Variants in UBE2J1 observed in about 807,000 individuals in gnomAD.
UBE2J1 encodes ubiquitin conjugating enzyme E2 J1.
In UBE2J1, 17 loss-of-function variants were observed where a neutral mutation model predicts 42.1. The ratio of observed to expected loss-of-function variants is 0.40; its 90% CI spans 0.28 to 0.61. The LOEUF (loss-of-function observed/expected upper bound fraction) is 0.61, where lower values mean the gene tolerates loss of function less well. Ranked by LOEUF, UBE2J1 falls within the 20% of genes least tolerant of loss-of-function variation. UBE2J1 has a pLI of 0.38. For missense variants in UBE2J1, 291 were observed against 389.4 expected (o/e 0.75, Z 2.13); for synonymous variants, 127 against 137.2 (o/e 0.93, Z 0.52).
intron 1 of UBE2J1, among the ~76,000 whole-genome samples, chr6:89,346,384 T>C (rs1768366064): frequency 6.6e-6 from 1 of 151,982 alleles, no homozygotes; most frequent in Non-Finnish European, 1.5e-5. Context: ...GTGCAGTCAA[T>C]ACAAAACAGA....
intron 5 of UBE2J1, among the ~76,000 whole-genome samples, chr6:89,336,166 T>G (rs1562414337): frequency 6.6e-6 from 1 of 152,238 alleles, no homozygotes; most frequent in Non-Finnish European, 1.5e-5. Context: ...TAAAAAATTG[T>G]TTTTCATAGT....
At chr6:89,340,626 T>C (rs1768226178) in intron 3 of UBE2J1, among the ~76,000 whole-genome samples, 2 of 152,220 alleles carry the variant, frequency 1.3e-5, no homozygotes, top group Admixed American at 6.5e-5. Context: ...TTAAAGACAT[T>C]GTGTAACCCA....
At chr6:89,349,792 G>A (rs1448707933) in intron 1 of UBE2J1, among the ~76,000 whole-genome samples, 1 of 152,140 alleles carries the variant, frequency 6.6e-6, no homozygotes, top group Non-Finnish European at 1.5e-5. Flanking sequence ...TAGACTTCTG[G>A]TGGAGGCAGT....
At chr6:89,350,932 T>C (rs1768462899) in intron 1 of UBE2J1, among the ~76,000 whole-genome samples, 1 of 152,094 alleles carries the variant, frequency 6.6e-6, no homozygotes. Flanking sequence ...CCACCATACA[T>C]TTTTACCCAA....
intron 1 of UBE2J1, among the ~76,000 whole-genome samples, chr6:89,343,976 A>G (rs1207114248): frequency 2.0e-5 from 3 of 152,030 alleles, no homozygotes; most frequent in African/African-American, 4.8e-5. Flanking sequence ...ATATATAGTG[A>G]AGACACTATT....
rs956573860 is a variant in UBE2J1, at chr6:89,352,484, C to T, written c.31+55G>A. Reference sequence around the variant, plus strand: ...GCGAGGGGACCGAGGCGGCGACCACCCCGGGGTCCAGGGTCACTCCGCCCT... The same window carrying T: ...GCGAGGGGACCGAGGCGGCGACCACTCCGGGGTCCAGGGTCACTCCGCCCT... On this transcript the variant is annotated intron_variant, in intron 1 of 7. Coordinates refer to ENST00000435041, the MANE Select transcript of UBE2J1 (RefSeq NM_016021.3). 4 of 1,524,862 alleles carry T rather than the reference C, an allele frequency of 2.6e-6. No individual in the cohort carries two copies. In the African/African-American group the frequency reaches 5.7e-5, roughly 22 times the overall value. The allele number at this position is 1,524,862 out of a possible 1,614,324, so 94.5% of individuals were successfully genotyped here. A position where few individuals can be genotyped will look rare whatever the true frequency, so the allele number is the denominator to read the frequency against.
In UBE2J1 at chr6:89,346,747, T is replaced by G. The variant is rs112798767; in HGVS notation, c.32-2991A>C. On this transcript the variant is annotated intron_variant, in intron 1 of 7. Coordinates refer to ENST00000435041, the MANE Select transcript of UBE2J1 (RefSeq NM_016021.3). The stretch of plus-strand genomic sequence containing the variant: ...ACTAGGAATGCTCTCTGAATTACTC[T>G]GGTTAGGTTTAGAAACCACTGCCCT... 7.8e-3 allele frequency among the ~76,000 whole-genome samples: 1,192 copies of G among 152,226 alleles called. 12 individuals carry two copies. Among genetic ancestry groups the G allele is most frequent in the African/African-American group, 0.028 (1,152 of 41,526 alleles).
At chr6:89,341,709 G>A (rs1768249080) in intron 3 of UBE2J1, among the ~76,000 whole-genome samples, 1 of 150,214 alleles carries the variant, frequency 6.7e-6, no homozygotes, top group South Asian at 2.1e-4. Context: ...GGGCAACAGA[G>A]AAAGACCGTG....
At chr6:89,348,288 T>C (rs1433524471) in intron 1 of UBE2J1, among the ~76,000 whole-genome samples, 1 of 152,236 alleles carries the variant, frequency 6.6e-6, no homozygotes, top group Non-Finnish European at 1.5e-5. Flanking sequence ...ATGGACACTC[T>C]GGAGCCATGC....
chr6:89,344,505 T>G (rs1321349528), intron 1 of UBE2J1, among the ~76,000 whole-genome samples: 1 of 152,182 alleles, frequency 6.6e-6, no homozygotes, highest in Non-Finnish European at 1.5e-5. Flanking sequence ...GAGTCCCTCT[T>G]GTACACTCCC....
At chr6:89,331,233 T>C (rs1037548190) in intron 7 of UBE2J1, among the ~76,000 whole-genome samples, 1 of 152,214 alleles carries the variant, frequency 6.6e-6, no homozygotes, top group Non-Finnish European at 1.5e-5. Flanking sequence ...ACTTTCATAG[T>C]GGTCAAATTA....
chr6:89,328,577 A>ATGGT lies in UBE2J1; in HGVS notation c.*1098_*1101dup, dbSNP rs1447342992. On this transcript the variant is annotated 3_prime_UTR_variant, in exon 8 of 8. Transcript: ENST00000435041. The stretch of plus-strand genomic sequence containing the variant: ...GAAGGCAATGTTTTTCTGTGATTAT[A>ATGGT]TGGTTTCACCAGCCATTATGATGAT... The ATGGT allele has an allele frequency of 2.0e-5, 3 of 152,186 alleles. No individual in the cohort carries two copies. Among genetic ancestry groups the ATGGT allele is most frequent in the Non-Finnish European group, 4.4e-5 (3 of 68,036 alleles). The allele number at this position is 152,186 out of a possible 1,614,324, so 9.4% of individuals were successfully genotyped here.
chr6:89,347,219 T>A (rs886365362), intron 1 of UBE2J1, among the ~76,000 whole-genome samples: 4 of 152,308 alleles, frequency 2.6e-5, no homozygotes, highest in African/African-American at 9.6e-5. Context: ...AGAACAAAGA[T>A]GGAAAACCCT....
chr6:89,333,383 G>A (rs1217586961), intron 6 of UBE2J1, among the ~76,000 whole-genome samples, 178 bp from the exon 7 acceptor site: 1 of 152,162 alleles, frequency 6.6e-6, no homozygotes, highest in Non-Finnish European at 1.5e-5. Flanking sequence ...GGTATCATAG[G>A]AAGAAGCATA....
At chr6:89,331,051 A>G (rs1243218609) in intron 7 of UBE2J1, among the ~76,000 whole-genome samples, 2 of 152,206 alleles carry the variant, frequency 1.3e-5, no homozygotes, top group African/African-American at 2.4e-5. Flanking sequence ...AAAGCAACAG[A>G]TGGCCTGATG....
At chr6:89,336,050 T>C (rs1479914322) in intron 5 of UBE2J1, among the ~76,000 whole-genome samples, 3 of 152,206 alleles carry the variant, frequency 2.0e-5, no homozygotes, top group African/African-American at 7.2e-5. Context: ...CCAGATATAG[T>C]CAAAACTTCC....
chr6:89,337,306 A>G (rs1188744464), intron 5 of UBE2J1, among the ~76,000 whole-genome samples: 1 of 151,998 alleles, frequency 6.6e-6, no homozygotes, highest in Non-Finnish European at 1.5e-5. Context: ...AGTAAATCGA[A>G]TGAAAACAAA....
chr6:89,350,818 C>T (rs371944384), intron 1 of UBE2J1, among the ~76,000 whole-genome samples: 3 of 152,142 alleles, frequency 2.0e-5, no homozygotes, highest in African/African-American at 7.2e-5. Flanking sequence ...TCTTGGGTTC[C>T]ACCAGTTCTC....
Position 89,328,877 on chromosome 6 carries a change from A to T in UBE2J1, c.*802T>A, listed in dbSNP as rs942109030. The T allele has an allele frequency of 1.1e-4, 17 of 152,254 alleles. No individual in the cohort carries two copies. Among genetic ancestry groups the T allele is most frequent in the African/African-American group, 4.1e-4 (17 of 41,464 alleles). The allele number at this position is 152,254 out of a possible 1,614,324, so 9.4% of individuals were successfully genotyped here. ...AAAGACATACATTTCAAAGCAGACC[A>T]AACATTCAAATCTTCAGATCCCCCC... is the stretch of plus-strand genomic sequence containing the variant. On this transcript the variant is annotated 3_prime_UTR_variant, in exon 8 of 8. Transcript: ENST00000435041.
Sources: gnomAD v4.1 joint callset for allele counts (sites outside exome capture counted in the v4.1 genomes callset) on GRCh38, gnomAD v4.1.1 for gene constraint, MANE v1.5 for transcripts, NCBI Gene and HGNC (gene_info 2026-07-23, HGNC 2026-07-21) for gene names.